The following SNURF variants were observed in gnomAD, a reference collection of about 807,000 sequenced individuals.
SNURF encodes SNURF protein.
SNURF carries 6 observed loss-of-function variants against 11.6 expected under a neutral mutation model. The ratio of observed to expected loss-of-function variants is 0.52; its 90% CI spans 0.28 to 1.02. SNURF has a LOEUF of 1.02. SNURF is among the 50% of genes least tolerant of loss of function. The pLI is 0.09. For synonymous variants in SNURF, 29 were observed against 31.6 expected, an observed-to-expected ratio of 0.92 and a Z score of 0.27; for missense variants, 84 against 88.4, an observed-to-expected ratio of 0.95 and a Z score of 0.20.
At chr15:24,955,863 AT>A (rs1240789048) in intron 1 of SNURF, among the ~76,000 whole-genome samples, 3 of 151,664 alleles carry the variant, frequency 2.0e-5, no homozygotes, top group Non-Finnish European at 4.4e-5. Flanking sequence ...GGCGGTGGGC[AT>A]GGCGGCCGCG....
At chr15:24,974,257 C>T in intron 3 of SNURF, 2 of 595,664 alleles carry the variant, frequency 3.4e-6, no homozygotes, top group South Asian at 2.1e-5. Context: ...AATTGTCTGC[C>T]TGTTTTAAAA....
intron 2 of SNURF, among the ~76,000 whole-genome samples, chr15:24,963,822 C>T (rs1280390988): frequency 6.6e-6 from 1 of 151,682 alleles, no homozygotes; most frequent in East Asian, 1.9e-4. Context: ...ATCACTTGAG[C>T]CCAGGAGGTG....
At chr15:24,974,665 G>A (rs1045565940) in intron 3 of SNURF, 17 of 634,846 alleles carry the variant, frequency 2.7e-5, no homozygotes, top group Non-Finnish European at 4.2e-5. Context: ...CTGTCTCCCA[G>A]TCTGGAGTGC....
intron 1 of SNURF, among the ~76,000 whole-genome samples, chr15:24,959,846 G>A (rs986600766): frequency 6.6e-6 from 1 of 152,154 alleles, no homozygotes; most frequent in Non-Finnish European, 1.5e-5. Flanking sequence ...CGTATAATAC[G>A]TTTAATACAA....
At chr15:24,965,486 G>A (rs963690981) in intron 2 of SNURF, among the ~76,000 whole-genome samples, 9 of 152,152 alleles carry the variant, frequency 5.9e-5, no homozygotes, top group Non-Finnish European at 8.8e-5. Context: ...GCAGTGAGCC[G>A]AGATGGTGCC....
At chr15:24,967,808 G>GAAAAA (rs35146696) in intron 2 of SNURF, 124 bp from the exon 3 acceptor site, 11 of 492,008 alleles carry the variant, frequency 2.2e-5, no homozygotes, top group Admixed American at 6.9e-5. Context: ...ACCCTGTCTG[G>GAAAAA]AAAAAAAAAA....
At chr15:24,973,515 A>C (rs538503865), downstream of SNURF, among the ~76,000 whole-genome samples, 433 of 152,168 alleles carry the variant, frequency 2.8e-3, 2 homozygotes, top group Non-Finnish European at 4.8e-3. Context: ...CTCCTACCTC[A>C]GCCTCTCAAG....
chr15:24,966,064 C>G (rs914627800), intron 2 of SNURF, among the ~76,000 whole-genome samples: 1 of 152,082 alleles, frequency 6.6e-6, no homozygotes, highest in African/African-American at 2.4e-5. Context: ...CAGTGCAATT[C>G]TGACTACTTG....
At chr15:24,968,248 C>T in exon 3 of SNURF, 2 of 534,798 alleles carry the variant, frequency 3.7e-6, no homozygotes, top group Admixed American at 6.4e-5. Context: ...AAATTTTCTG[C>T]CCTGACACTT....
At chr15:24,961,054 C>T (rs1449980112) in intron 1 of SNURF, among the ~76,000 whole-genome samples, 1 of 151,926 alleles carries the variant, frequency 6.6e-6, no homozygotes, top group South Asian at 2.1e-4. Flanking sequence ...CTTTCACTTT[C>T]TTTAGTGTTT....
chr15:24,956,674 G>A (rs1306282349), intron 1 of SNURF, among the ~76,000 whole-genome samples: 1 of 152,230 alleles, frequency 6.6e-6, no homozygotes, highest in African/African-American at 2.4e-5. Context: ...TACAGCAGCT[G>A]TTCCTTTCCG....
At chr15:24,958,451 G>A (rs1216367121) in intron 1 of SNURF, among the ~76,000 whole-genome samples, 1 of 131,848 alleles carries the variant, frequency 7.6e-6, no homozygotes, top group Non-Finnish European at 1.6e-5. Flanking sequence ...ACTTAAGGTA[G>A]CCTCTCTCCA....
downstream of SNURF, among the ~76,000 whole-genome samples, chr15:24,973,316 TTGTG>T (rs2076671340): frequency 6.6e-6 from 1 of 152,226 alleles, no homozygotes. Flanking sequence ...TCCTCTAGGT[TTGTG>T]TAAGTACACT....
At chr15:24,964,590 G>A (rs970002674) in intron 2 of SNURF, among the ~76,000 whole-genome samples, 2 of 152,054 alleles carry the variant, frequency 1.3e-5, no homozygotes, top group Admixed American at 6.6e-5. Context: ...GAGCCACTGC[G>A]CCCAGCCTCT....
At chr15:24,976,549 C>A in intron 5 of SNURF, 1 of 718,312 alleles carries the variant, frequency 1.4e-6, no homozygotes, top group South Asian at 1.7e-5. Flanking sequence ...CACTTAATAT[C>A]AATTGTTGGT....
chr15:24,967,779 G>A (rs921524948), intron 2 of SNURF, among the ~76,000 whole-genome samples, 153 bp from the exon 3 acceptor site: 2 of 140,792 alleles, frequency 1.4e-5, no homozygotes, highest in African/African-American at 2.7e-5. Flanking sequence ...TTGCACTCCA[G>A]CCTGGGCAAC....
intron 3 of SNURF, chr15:24,974,532 G>T: frequency 2.2e-6 from 3 of 1,364,630 alleles, no homozygotes; most frequent in Non-Finnish European, 3.1e-6. Flanking sequence ...CATGTGCAGT[G>T]ATCTTGGGTT....
rs577114139 is a variant in SNURF, at chr15:24,966,848, C to G, written c.111-1084C>G. ...CATTGTTGGTGATCCCCCAGCTCCT[C>G]ACCTCAAGGCAAGCTGTCATTTCCT... On this transcript the variant is annotated intron_variant, in intron 2 of 2. Transcript: ENST00000577949. Among the ~76,000 whole-genome samples, 12 of 152,296 alleles carry G rather than the reference C, an allele frequency of 7.9e-5. No homozygotes were observed. The South Asian group carries it at 2.5e-3, about 32-fold the overall frequency.
intron 2 of SNURF, 124 bp from the exon 3 acceptor site, chr15:24,967,808 G>GA (rs35146696): frequency 0.083 from 40,155 of 482,258 alleles, 267 homozygotes; most frequent in South Asian, 0.1. Flanking sequence ...ACCCTGTCTG[G>GA]AAAAAAAAAA....
Sources: allele counts gnomAD v4.1 joint callset (sites outside exome capture counted in the v4.1 genomes callset), GRCh38; gene constraint gnomAD v4.1.1; transcripts MANE v1.5; gene names NCBI Gene and HGNC (gene_info 2026-07-23, HGNC 2026-07-21).